Variants in SPRED3 observed in about 807,000 individuals in gnomAD.
The protein encoded by SPRED3 is sprouty related EVH1 domain containing 3, also known as sprouty-related, EVH1 domain-containing protein 3.
SPRED3 carries 23 observed loss-of-function variants against 37.6 expected under a neutral mutation model. The observed-to-expected ratio is 0.61, with a 90% CI of 0.44 to 0.87. SPRED3 has a LOEUF of 0.87. Among genes scored for constraint, SPRED3 ranks in the 40% least tolerant of loss-of-function variants. The pLI, the probability that SPRED3 is intolerant of heterozygous loss-of-function variation, is 0.00. For missense variants in SPRED3, 584 were observed against 618.6 expected (o/e 0.94, Z 0.59); for synonymous variants, 302 against 279.6 (o/e 1.08, Z -0.80).
At position 38,399,489 on chromosome 19, in the gene SPRED3, G is replaced by C. The variant is rs546677663; in HGVS notation, c.*3344G>C. 6.6e-6 allele frequency: 1 copy of C among 152,142 alleles called. No homozygotes were observed. Among genetic ancestry groups the C allele is most frequent in the African/African-American group, 2.4e-5 (1 of 41,504 alleles). 9.4% of individuals were successfully genotyped at this position (152,142 alleles called of 1,614,324 possible). ...CTCAATATTGTTAGTGTCAGTGCAG[G>C]CTGAAGTGGTGGGGGAGGATGGGGG... On this transcript the variant is annotated 3_prime_UTR_variant, in exon 6 of 6. Coordinates refer to ENST00000691638, the MANE Select transcript of SPRED3 (RefSeq NM_001394336.1).
intron 1 of SPRED3, chr19:38,389,975 A>C: frequency 4.8e-6 from 1 of 206,880 alleles, no homozygotes; most frequent in Non-Finnish European, 8.8e-6. Flanking sequence ...GGTGATAGGG[A>C]TAAGCAGGAG....
At chr19:38,394,853 G>A in intron 5 of SPRED3, 67 bp downstream of exon 5, 3 of 1,456,986 alleles carry the variant, frequency 2.1e-6, no homozygotes, top group South Asian at 1.4e-5. Flanking sequence ...AAGGGAGCGG[G>A]AGCCATGGCC....
rs151129136 is a variant in SPRED3 at position 38,392,223 on chromosome 19, CCCT to C, written c.381_383del (p.Ser128del). ...TCTCCCTGCCCCAGGCTCACTCACC[CCCT>C]CCTCCTCCTCCTCCTCCTCCTCTCC... On this transcript the variant is annotated inframe_deletion, in exon 4 of 6. Transcript: ENST00000691638. 18,579 of 1,168,590 alleles carry C rather than the reference CCCT, an allele frequency of 0.016. 2 individuals are homozygous for C. Among genetic ancestry groups the C allele is most frequent in the South Asian group, 0.039 (2,267 of 58,774 alleles). The allele number at this position is 1,168,590 out of a possible 1,614,324, so 72.4% of individuals were successfully genotyped here.
Position 38,395,657 on chromosome 19 carries a change from G to A in SPRED3, c.745G>A (p.Gly249Ser). The A allele has an allele frequency of 1.3e-5, 20 of 1,520,794 alleles. No homozygotes were observed. Among genetic ancestry groups the A allele is most frequent in the Non-Finnish European group, 1.7e-5 (20 of 1,145,126 alleles). The allele number at this position is 1,520,794 out of a possible 1,614,324, so 94.2% of individuals were successfully genotyped here. A position where few individuals can be genotyped will look rare whatever the true frequency, so the allele number is the denominator to read the frequency against. Residue 249 changes from glycine (G) to serine (S), a missense_variant, in exon 6 of 6, where the codon GGC (glycine) becomes AGC (serine). Gly to Ser is a moderately conservative substitution (Grantham distance 56, BLOSUM62 0). This residue lies in a region of SPRED3 where 310 missense variants were observed against 281.1 expected (regional missense o/e 1.10). Coordinates refer to ENST00000691638, the MANE Select transcript of SPRED3 (RefSeq NM_001394336.1). This position sits in a 1 kb window ranked among gnomAD's most constrained non-coding sequence, Gnocchi z 5.2. Reference protein sequence around the residue: ...VRFAKTGALRGAALGPPAALP... With the variant: ...VRFAKTGALRSAALGPPAALP... ...CTTCGCCAAGACCGGCGCGTTGAGG[G>A]GCGCTGCCCTGGGTCCCCCAGCGGC...
At position 38,390,348 on chromosome 19, in the gene SPRED3, G is replaced by A; in HGVS notation, c.46G>A (p.Gly16Arg). ...AVVMARDDSS[G>R]GWLPVGGGGL... The stretch of plus-strand genomic sequence containing the variant: ...GGTGATGGCCCGAGATGACTCCAGT[G>A]GGGGCTGGCTGCCTGTGGGGGGCGG... Residue 16 changes from glycine (G) to arginine (R), a missense_variant, in exon 2 of 6, where the codon GGG becomes AGG. Physicochemically the swap from Gly to Arg is moderately radical, Grantham distance 125 (BLOSUM62 -2). Transcript: ENST00000691638. The A allele has an allele frequency of 7.2e-7, 1 of 1,384,846 alleles. No homozygotes were observed. Among genetic ancestry groups the A allele is most frequent in the Non-Finnish European group, 9.4e-7 (1 of 1,063,298 alleles). The allele number at this position is 1,384,846 out of a possible 1,614,324, so 85.8% of individuals were successfully genotyped here.
intron 2 of SPRED3, among the ~76,000 whole-genome samples, chr19:38,391,496 C>T (rs1233725726): frequency 1.3e-5 from 2 of 151,960 alleles, no homozygotes; most frequent in African/African-American, 2.4e-5. Flanking sequence ...ATGTTTTGGG[C>T]CATTCAGCAA....
chr19:38,390,429 G>T lies in SPRED3; in HGVS notation c.127G>T (p.Ala43Ser). The part of the protein sequence containing the change: ...RVRGARPEGG[A>S]RQGHYVIHGE... ...CCGAGGGGCCAGGCCCGAGGGGGGG[G>T]CCCGCCAGGGGCACTACGTCATCCA... The change falls in exon 2 of 6, where the codon GCC (alanine) becomes TCC (serine). Residue 43 changes from alanine to serine, a missense_variant. Coordinates refer to ENST00000691638, the MANE Select transcript of SPRED3 (RefSeq NM_001394336.1). The T allele has an allele frequency of 2.1e-6, 3 of 1,399,572 alleles. No individual in the cohort carries two copies. The highest frequency in any genetic ancestry group is 2.8e-6 in the Non-Finnish European group (3 of 1,074,136). The allele number at this position is 1,399,572 out of a possible 1,614,324, so 86.7% of individuals were successfully genotyped here.
chr19:38,391,567 G>T (rs975822470), intron 2 of SPRED3, among the ~76,000 whole-genome samples: 1 of 152,038 alleles, frequency 6.6e-6, no homozygotes, highest in Non-Finnish European at 1.5e-5. Context: ...GGATCAAGGG[G>T]TTGGGAAAAT....
chr19:38,395,714 C>G lies in SPRED3; in HGVS notation c.802C>G (p.Pro268Ala). ...LPAPLTEAAP[P>A]APPARPPPGP... is the part of the protein sequence containing the mutation. Reference sequence around the variant, plus strand: ...TGCCCCTTTGACCGAGGCTGCGCCCCCAGCGCCCCCCGCTCGCCCACCCCC... The same window carrying G: ...TGCCCCTTTGACCGAGGCTGCGCCCGCAGCGCCCCCCGCTCGCCCACCCCC... The change falls in exon 6 of 6, where the codon CCA becomes GCA. Residue 268 changes from proline to alanine, a missense_variant. Around this residue, in one of 7 missense-constraint regions of SPRED3, gnomAD observed 310 missense variants for 281.1 expected, o/e 1.10. Coordinates refer to ENST00000691638, the MANE Select transcript of SPRED3 (RefSeq NM_001394336.1). This position sits in a 1 kb window ranked among gnomAD's most constrained non-coding sequence, Gnocchi z 5.2. The G allele has an allele frequency of 6.9e-7, 1 of 1,455,838 alleles. No individual in the cohort carries two copies. The highest frequency in any genetic ancestry group is 9.0e-7 in the Non-Finnish European group (1 of 1,115,062). The allele number at this position is 1,455,838 out of a possible 1,614,324, so 90.2% of individuals were successfully genotyped here.
chr19:38,389,488 G>C (rs1970796293), intron 1 of SPRED3: 1 of 151,744 alleles, frequency 6.6e-6, no homozygotes, highest in Admixed American at 6.6e-5. Flanking sequence ...AAGGATGCTG[G>C]GGCTGGGGGG....
chr19:38,391,340 A>AG (rs112397399), intron 2 of SPRED3, among the ~76,000 whole-genome samples: 6,082 of 150,002 alleles, frequency 0.041, 175 homozygotes, highest in Non-Finnish European at 0.062. Flanking sequence ...AAAAAAAAAA[A>AG]AGAGAGAGAG....
At chr19:38,392,365 A>C in intron 4 of SPRED3, 77 bp downstream of exon 4, 8 of 1,419,860 alleles carry the variant, frequency 5.6e-6, no homozygotes, top group Non-Finnish European at 7.4e-6. Flanking sequence ...TTGAGCACCT[A>C]CTGTGTAGCA....
Position 38,392,206 on chromosome 19 carries a change from C to G in SPRED3, c.347-6C>G. On this transcript the variant is annotated splice_polypyrimidine_tract_variant and splice_region_variant and intron_variant, in intron 3 of 5. Coordinates refer to ENST00000691638, the MANE Select transcript of SPRED3 (RefSeq NM_001394336.1). ...AACTCACTCTCTGCCTCTCTCCCTG[C>G]CCCAGGCTCACTCACCCCCTCCTCC... The G allele has an allele frequency of 6.2e-7, 1 of 1,600,378 alleles. No homozygotes were observed. The highest frequency in any genetic ancestry group is 8.5e-7 in the Non-Finnish European group (1 of 1,172,688).
rs774014740 is a variant in SPRED3, at chr19:38,397,903, T to TAAAAAAAAAA, written c.*1764_*1773dup. The TAAAAAAAAAA allele has an allele frequency of 1.7e-3, 230 of 131,946 alleles. 5 individuals carry two copies. The highest frequency in any genetic ancestry group is 7.8e-3 in the Middle Eastern group (2 of 256). 8.2% of individuals were successfully genotyped at this position (131,946 alleles called of 1,614,324 possible). A position where few individuals can be genotyped will look rare whatever the true frequency, so the allele number is the denominator to read the frequency against. On this transcript the variant is annotated 3_prime_UTR_variant, in exon 6 of 6. Coordinates refer to ENST00000691638, the MANE Select transcript of SPRED3 (RefSeq NM_001394336.1). ...CTGGGCAATGTAGTGAGACCGTCTC[T>TAAAAAAAAAA]AAAAAAAAAAAAAAAGGACCAAGTA...
At chr19:38,394,935 G>C (rs557019123) in intron 5 of SPRED3, 149 bp downstream of exon 5, 2 of 1,192,632 alleles carry the variant, frequency 1.7e-6, no homozygotes, top group East Asian at 2.7e-5. Context: ...AGAAAGCGGC[G>C]GGGAAATAGG....
At position 38,392,093 on chromosome 19, in the gene SPRED3, G is replaced by A. The variant is rs375310123; in HGVS notation, c.325G>A (p.Ala109Thr). Residue 109 changes from alanine to threonine, a missense_variant, in exon 3 of 6, where the codon GCG becomes ACG. Transcript: ENST00000691638. ...TGAGTTCCAGAAGAGCCTGCTGGCTGCGCTGGCCGCACTGGGTCGAGGTGA... is the reference window on the plus strand; with the variant it reads ...TGAGTTCCAGAAGAGCCTGCTGGCTACGCTGGCCGCACTGGGTCGAGGTGA... ...ADEFQKSLLA[A>T]LAALGRGSLT... is the part of the protein sequence containing the mutation. 7.2e-5 allele frequency: 117 copies of A among 1,614,080 alleles called. No individual in the cohort carries two copies. Among genetic ancestry groups the A allele is most frequent in the Non-Finnish European group, 9.8e-5 (116 of 1,180,046 alleles).
At chr19:38,394,951 G>A (rs1364083829) in intron 5 of SPRED3, among the ~76,000 whole-genome samples, 165 bp downstream of exon 5, 1 of 152,238 alleles carries the variant, frequency 6.6e-6, no homozygotes, top group African/African-American at 2.4e-5. Context: ...ATAGGGAGAG[G>A]CTTGGAGGCC....
Position 38,395,594 on chromosome 19 carries a change from C to T in SPRED3, c.682C>T (p.Pro228Ser). Residue 228 changes from proline to serine, a missense_variant, in exon 6 of 6, where the codon CCA becomes TCA. By Grantham distance (74) the Pro-to-Ser change is moderately conservative. Transcript: ENST00000691638. This position sits in a 1 kb window ranked among gnomAD's most constrained non-coding sequence, Gnocchi z 5.2. ...RGYEDYRRSG[P>S]PAPLALSTCV... The stretch of plus-strand genomic sequence containing the variant: ...CTACGAGGATTACCGGCGCTCCGGG[C>T]CACCCGCGCCCCTCGCCCTGTCCAC... The T allele has an allele frequency of 6.5e-7, 1 of 1,550,268 alleles. No individual in the cohort carries two copies. Among genetic ancestry groups the T allele is most frequent in the Non-Finnish European group, 8.7e-7 (1 of 1,153,034 alleles).
rs1375292390 is a variant in SPRED3 at position 38,398,146 on chromosome 19, T to G, written c.*2001T>G. 6.6e-6 allele frequency: 1 copy of G among 152,232 alleles called. No individual in the cohort carries two copies. Among genetic ancestry groups the G allele is most frequent in the African/African-American group, 2.4e-5 (1 of 41,426 alleles). The allele number at this position is 152,232 out of a possible 1,614,324, so 9.4% of individuals were successfully genotyped here. On this transcript the variant is annotated 3_prime_UTR_variant, in exon 6 of 6. Coordinates refer to ENST00000691638, the MANE Select transcript of SPRED3 (RefSeq NM_001394336.1). ...AGCCCCCAGTCTTGCAGACCTTCCTTCAAGCACAACCTTAATTCCTAGTCC... is the reference window on the plus strand; with the variant it reads ...AGCCCCCAGTCTTGCAGACCTTCCTGCAAGCACAACCTTAATTCCTAGTCC...
Sources: gnomAD v4.1 joint callset for allele counts (sites outside exome capture counted in the v4.1 genomes callset) on GRCh38, gnomAD v4.1.1 for gene constraint, gnomAD v4.1.1 regional missense constraint, Gnocchi (gnomAD v3.1) non-coding constraint, MANE v1.5 for transcripts, NCBI Gene and HGNC (gene_info 2026-07-23, HGNC 2026-07-21) for gene names.